Variants in SPATA16 observed in about 807,000 individuals in gnomAD.
The protein encoded by SPATA16 is spermatogenesis-associated protein 16.
In SPATA16, 36 loss-of-function variants were observed where a neutral mutation model predicts 63.3. The ratio of observed to expected loss-of-function variants is 0.57; its 90% confidence interval spans 0.44 to 0.75. SPATA16 has a LOEUF of 0.75. SPATA16 is among the 30% of genes least tolerant of loss of function. SPATA16 has a pLI of 0.00. For missense variants in SPATA16, 646 were observed against 679.3 expected, an observed-to-expected ratio of 0.95 and a Z score of 0.54; for synonymous variants, 203 against 216.7, an observed-to-expected ratio of 0.94 and a Z score of 0.56.
At chr3:173,002,414 C>T (rs994842361) in intron 4 of SPATA16, among the ~76,000 whole-genome samples, 2 of 152,142 alleles carry the variant, frequency 1.3e-5, no homozygotes, top group African/African-American at 2.4e-5. Flanking sequence ...TAAGAAACAA[C>T]ATGCTCAGTG....
At chr3:173,012,283 C>T (rs1201298520) in intron 4 of SPATA16, among the ~76,000 whole-genome samples, 3 of 152,084 alleles carry the variant, frequency 2.0e-5, no homozygotes, top group Non-Finnish European at 4.4e-5. Flanking sequence ...ATAGATGGCA[C>T]AAATAAATGG....
chr3:173,062,211 C>CA (rs919859946), intron 2 of SPATA16, among the ~76,000 whole-genome samples: 9 of 151,972 alleles, frequency 5.9e-5, no homozygotes, highest in Non-Finnish European at 1.2e-4. Flanking sequence ...TTTCAGAGAC[C>CA]ACTAAATTCC....
chr3:173,120,803 G>A (rs760174890), intron 1 of SPATA16, among the ~76,000 whole-genome samples: 16 of 151,888 alleles, frequency 1.1e-4, no homozygotes, highest in Admixed American at 2.6e-4. Context: ...CCCTCACTCC[G>A]AGCCTTTTTC....
intron 4 of SPATA16, among the ~76,000 whole-genome samples, chr3:172,986,489 G>T (rs1279552062): frequency 3.3e-5 from 5 of 152,154 alleles, no homozygotes; most frequent in African/African-American, 1.2e-4. Flanking sequence ...GAGAGGGTTG[G>T]TGGTATTCAG....
intron 6 of SPATA16, among the ~76,000 whole-genome samples, chr3:172,930,475 C>T (rs564390126): frequency 9.2e-5 from 14 of 151,980 alleles, no homozygotes; most frequent in Non-Finnish European, 1.8e-4. Context: ...CACTGTCCTT[C>T]CAGATGTGTC....
At chr3:173,124,373 T>C (rs760440991) in intron 1 of SPATA16, among the ~76,000 whole-genome samples, 4 of 152,366 alleles carry the variant, frequency 2.6e-5, no homozygotes, top group Admixed American at 2.0e-4. Flanking sequence ...AGATGATTTA[T>C]GTAAGAGAAG....
chr3:172,961,850 A>G (rs1447952594), intron 5 of SPATA16, among the ~76,000 whole-genome samples: 2 of 152,188 alleles, frequency 1.3e-5, no homozygotes, highest in African/African-American at 4.8e-5. Context: ...TTGTGGCAGA[A>G]TGTGGACCAA....
At chr3:173,053,984 TATATCAACATAATTTTTAC>T in intron 2 of SPATA16, among the ~76,000 whole-genome samples, 1 of 137,080 alleles carries the variant, frequency 7.3e-6, no homozygotes, top group Non-Finnish European at 1.6e-5. Flanking sequence ...TAATAGAAGA[TATATCAACATAATTTTTAC>T]ACTATATCAA....
At chr3:172,993,743 C>G (rs1217193985) in intron 4 of SPATA16, among the ~76,000 whole-genome samples, 1 of 152,122 alleles carries the variant, frequency 6.6e-6, no homozygotes, top group Admixed American at 6.6e-5. Context: ...TCTGACATTA[C>G]CTCTTTGCTT....
rs1297920047 is a variant in SPATA16 at position 173,029,407 on chromosome 3, T to G, written c.759-9832A>C. Among the ~76,000 whole-genome samples, 7 of 76,142 alleles carry G rather than the reference T, an allele frequency of 9.2e-5. No individual in the cohort carries two copies. The South Asian group carries it at 2.3e-3, about 25-fold the overall frequency. The allele number at this position is 76,142 out of a possible 152,430, so 50.0% of individuals were successfully genotyped here. A position where few individuals can be genotyped will look rare whatever the true frequency, so the allele number is the denominator to read the frequency against. On this transcript the variant is annotated intron_variant, in intron 3 of 10. Transcript: ENST00000351008. ...TTCACAGCAATAACAGTAATCAGAG[T>G]TTTTTTTTTGTTTGTTTGTTTTGTT...
intron 10 of SPATA16, among the ~76,000 whole-genome samples, chr3:172,899,090 A>G (rs2109544934): frequency 6.6e-6 from 1 of 152,122 alleles, no homozygotes; most frequent in South Asian, 2.1e-4. Flanking sequence ...ATGATCCAGA[A>G]TAGCATCTAT....
intron 2 of SPATA16, among the ~76,000 whole-genome samples, chr3:173,096,488 CATA>C (rs1221813590): frequency 6.6e-6 from 1 of 152,008 alleles, no homozygotes; most frequent in Non-Finnish European, 1.5e-5. Context: ...CTGCTCAATT[CATA>C]ATAAGAGAAA....
At chr3:173,011,975 A>G (rs1735084338) in intron 4 of SPATA16, among the ~76,000 whole-genome samples, 1 of 151,942 alleles carries the variant, frequency 6.6e-6, no homozygotes, top group Admixed American at 6.6e-5. Flanking sequence ...CACCATGCCC[A>G]GCTAATTAAA....
intron 6 of SPATA16, among the ~76,000 whole-genome samples, chr3:172,934,002 A>G (rs1732925787): frequency 6.6e-6 from 1 of 152,206 alleles, no homozygotes; most frequent in African/African-American, 2.4e-5. Flanking sequence ...AATATTGAAT[A>G]CATCCTGGTG....
chr3:172,952,325 C>A (rs1733454190), intron 6 of SPATA16, among the ~76,000 whole-genome samples: 1 of 152,108 alleles, frequency 6.6e-6, no homozygotes, highest in African/African-American at 2.4e-5. Context: ...CCAGATTTAA[C>A]AAAGAAGCTC....
rs570723615 is a variant in SPATA16 at position 172,893,925 on chromosome 3, G to C, written c.1588-4233C>G. 2.0e-5 allele frequency among the ~76,000 whole-genome samples: 3 copies of C among 152,212 alleles called. No individual in the cohort carries two copies. The South Asian group carries it at 6.2e-4, about 32-fold the overall frequency. ...TTTGCTTGCGCATGTTCATGCCTTA[G>C]GAATTGAGGGCTCAAATAATTTTTT... On this transcript the variant is annotated intron_variant, in intron 10 of 10. Transcript: ENST00000351008.
chr3:172,934,101 A>C (rs1355392635), intron 6 of SPATA16, among the ~76,000 whole-genome samples: 1 of 152,106 alleles, frequency 6.6e-6, no homozygotes, highest in Non-Finnish European at 1.5e-5. Flanking sequence ...TGTTTAACAT[A>C]ATCTTTCTTG....
rs1030086757 is a variant in SPATA16, at chr3:173,035,884, G to T, written c.758+13065C>A. 7.9e-5 allele frequency among the ~76,000 whole-genome samples: 12 copies of T among 152,038 alleles called. No individual in the cohort carries two copies. The South Asian group carries it at 1.7e-3, about 21-fold the overall frequency. ...GGGAAAACAGCTGGCTTCTTTGCAG[G>T]AAGCAAACAGGTGATACCAAACTGT... On this transcript the variant is annotated intron_variant, in intron 3 of 10. Transcript: ENST00000351008.
rs1051476198 is a variant in SPATA16 at position 173,141,176 on chromosome 3, C to T, written c.-92G>A. ...TCCTCCCAGCCACAGCATCTGCCAA[C>T]ACCGGCTTCCCAACGTCCCACTGCG... is the stretch of plus-strand genomic sequence containing the variant. On this transcript the variant is annotated 5_prime_UTR_variant, in exon 1 of 11. Transcript: ENST00000351008. The T allele has an allele frequency of 4.6e-5, 7 of 152,344 alleles. No individual in the cohort carries two copies. Among genetic ancestry groups the T allele is most frequent in the Non-Finnish European group, 8.8e-5 (6 of 68,118 alleles). The allele number at this position is 152,344 out of a possible 1,614,324, so 9.4% of individuals were successfully genotyped here. A position where few individuals can be genotyped will look rare whatever the true frequency, so the allele number is the denominator to read the frequency against.
Sources: allele counts gnomAD v4.1 joint callset (sites outside exome capture counted in the v4.1 genomes callset), GRCh38; gene constraint gnomAD v4.1.1; transcripts MANE v1.5; gene names NCBI Gene and HGNC (gene_info 2026-07-23, HGNC 2026-07-21).